The following SPOCK3 variants were observed in gnomAD, a reference collection of about 807,000 sequenced individuals.
SPOCK3 encodes the protein SPARC (osteonectin), cwcv and kazal like domains proteoglycan 3.
A neutral mutation model predicts 56.6 loss-of-function variants in SPOCK3; 30 were observed. The observed-to-expected ratio is 0.53, with a 90% confidence interval of 0.40 to 0.72. The LOEUF (loss-of-function observed/expected upper bound fraction) is 0.72, where lower values mean the gene tolerates loss of function less well. Among genes scored for constraint, SPOCK3 ranks in the 30% least tolerant of loss-of-function variants. The probability of loss-of-function intolerance (pLI) is 0.00; values close to 1 mark genes in which losing one functional copy is unlikely to be tolerated. For synonymous variants in SPOCK3, 196 were observed against 183.3 expected (o/e 1.07, Z -0.56); for missense variants, 527 against 530.0 (o/e 0.99, Z 0.06).
intron 3 of SPOCK3, among the ~76,000 whole-genome samples, chr4:167,055,619 G>C (rs1040829630): frequency 6.6e-6 from 1 of 152,174 alleles, no homozygotes; most frequent in East Asian, 1.9e-4. Flanking sequence ...CTTTTCCAAC[G>C]GGCTTAAAAT....
At chr4:166,854,985 GC>G (rs1396219889) in intron 6 of SPOCK3, among the ~76,000 whole-genome samples, 4 of 151,986 alleles carry the variant, frequency 2.6e-5, no homozygotes, top group Non-Finnish European at 5.9e-5. Context: ...ACTGTATCCC[GC>G]CCCACTGCCT....
chr4:167,211,822 G>T (rs1734905832), intron 2 of SPOCK3, among the ~76,000 whole-genome samples: 1 of 152,068 alleles, frequency 6.6e-6, no homozygotes, highest in Non-Finnish European at 1.5e-5. Context: ...TAGTAAATAT[G>T]GTACTTTTCA....
chr4:167,225,074 A>G (rs1397347473), intron 2 of SPOCK3, among the ~76,000 whole-genome samples: 1 of 152,224 alleles, frequency 6.6e-6, no homozygotes, highest in Non-Finnish European at 1.5e-5. Flanking sequence ...GTTTTACAAC[A>G]AGAGTGATAA....
At chr4:167,010,247 G>A (rs530991834) in intron 3 of SPOCK3, among the ~76,000 whole-genome samples, 7 of 152,190 alleles carry the variant, frequency 4.6e-5, no homozygotes, top group Non-Finnish European at 7.4e-5. Flanking sequence ...CAGGCCAGAC[G>A]TGGTGGCTCA....
chr4:167,226,198 C>G (rs968598060), intron 2 of SPOCK3, among the ~76,000 whole-genome samples: 1 of 152,152 alleles, frequency 6.6e-6, no homozygotes, highest in African/African-American at 2.4e-5. Flanking sequence ...TAAGTAGATT[C>G]AGTCTCTCCT....
chr4:166,787,277 A>C (rs1740828997), intron 7 of SPOCK3, among the ~76,000 whole-genome samples: 1 of 152,190 alleles, frequency 6.6e-6, no homozygotes, highest in African/African-American at 2.4e-5. Context: ...GTACACATTA[A>C]ACAATAGATA....
At chr4:167,151,151 G>A (rs1211722536) in intron 2 of SPOCK3, among the ~76,000 whole-genome samples, 1 of 152,158 alleles carries the variant, frequency 6.6e-6, no homozygotes, top group Non-Finnish European at 1.5e-5. Flanking sequence ...CCCAAGATGA[G>A]CTAAATTAGA....
intron 3 of SPOCK3, among the ~76,000 whole-genome samples, chr4:167,055,276 G>C (rs1754672017): frequency 6.6e-6 from 1 of 152,152 alleles, no homozygotes; most frequent in South Asian, 2.1e-4. Context: ...ATGATTTTAA[G>C]TTCAATACAT....
intron 2 of SPOCK3, among the ~76,000 whole-genome samples, chr4:167,183,286 A>T (rs1412010624): frequency 6.6e-6 from 1 of 152,214 alleles, no homozygotes; most frequent in African/African-American, 2.4e-5. Context: ...CTGAGTTTTT[A>T]GGTAGCTTAT....
chr4:166,900,353 C>G (rs1323328739), intron 5 of SPOCK3, among the ~76,000 whole-genome samples: 1 of 152,096 alleles, frequency 6.6e-6, no homozygotes, highest in Non-Finnish European at 1.5e-5. Context: ...GGGATTGGCT[C>G]TTAAAAAATA....
At chr4:167,041,512 T>C (rs1230693962) in intron 3 of SPOCK3, among the ~76,000 whole-genome samples, 1 of 152,150 alleles carries the variant, frequency 6.6e-6, no homozygotes, top group Non-Finnish European at 1.5e-5. Flanking sequence ...CCTAAATTAT[T>C]CCCAGTTTGT....
At chr4:166,840,770 A>ATTTTTT (rs758844653) in intron 6 of SPOCK3, among the ~76,000 whole-genome samples, 7 of 81,320 alleles carry the variant, frequency 8.6e-5, no homozygotes, top group East Asian at 8.1e-4. Context: ...CAGAAGCAAA[A>ATTTTTT]GTTTTTTTTT....
intron 2 of SPOCK3, among the ~76,000 whole-genome samples, chr4:167,164,454 A>T (rs1294401123): frequency 6.6e-6 from 1 of 152,058 alleles, no homozygotes; most frequent in African/African-American, 2.4e-5. Flanking sequence ...CTTTAAGTTC[A>T]GGATACATGT....
intron 6 of SPOCK3, among the ~76,000 whole-genome samples, chr4:166,886,110 TAAA>T (rs1560972624): frequency 2.0e-5 from 3 of 152,110 alleles, no homozygotes; most frequent in African/African-American, 7.2e-5. Context: ...TACACATACA[TAAA>T]ATCTGTAGAA....
intron 6 of SPOCK3, among the ~76,000 whole-genome samples, chr4:166,827,190 T>G (rs1745568829): frequency 6.6e-6 from 1 of 152,092 alleles, no homozygotes; most frequent in African/African-American, 2.4e-5. Flanking sequence ...TACCTTTTGA[T>G]AAAGAACCAA....
intron 6 of SPOCK3, among the ~76,000 whole-genome samples, chr4:166,815,459 G>C (rs142424391): frequency 1.2e-3 from 189 of 152,126 alleles, no homozygotes; most frequent in Non-Finnish European, 2.3e-3. Context: ...TACATACATT[G>C]AATATGATCT....
At chr4:167,115,756 A>G (rs1580343428) in intron 2 of SPOCK3, among the ~76,000 whole-genome samples, 1 of 152,010 alleles carries the variant, frequency 6.6e-6, no homozygotes, top group Non-Finnish European at 1.5e-5. Flanking sequence ...ACTATTCTCA[A>G]CTCAAATTAT....
chr4:167,036,455 C>T (rs560802521), intron 3 of SPOCK3, among the ~76,000 whole-genome samples: 1 of 152,248 alleles, frequency 6.6e-6, no homozygotes, highest in South Asian at 2.1e-4. Flanking sequence ...CTACTGTAAG[C>T]CGGGTGCAGA....
At chr4:167,003,781 C>A (rs114529136) in intron 3 of SPOCK3, among the ~76,000 whole-genome samples, 1,888 of 152,278 alleles carry the variant, frequency 0.012, 19 homozygotes, top group Non-Finnish European at 0.019. Flanking sequence ...ACCTGGGTAC[C>A]TGACAAGTAA....
Sources: gnomAD v4.1 joint callset for allele counts (sites outside exome capture counted in the v4.1 genomes callset) on GRCh38, gnomAD v4.1.1 for gene constraint, MANE v1.5 for transcripts, NCBI Gene and HGNC (gene_info 2026-07-23, HGNC 2026-07-21) for gene names.